TBC1D15: variants seen among roughly 807,000 people sequenced by gnomAD.
TBC1D15 encodes GAP for RAB7.
Under a neutral mutation model 95.4 loss-of-function variants are expected in TBC1D15, and 39 were observed. The observed-to-expected ratio is 0.41, with a 90% confidence interval of 0.32 to 0.53. TBC1D15 has a LOEUF of 0.53. Among genes scored for constraint, TBC1D15 ranks in the 20% least tolerant of loss-of-function variants. The pLI is 0.29. For synonymous variants in TBC1D15, 258 were observed against 261.3 expected, an observed-to-expected ratio of 0.99 and a Z score of 0.12; for missense variants, 733 against 794.3, an observed-to-expected ratio of 0.92 and a Z score of 0.93.
At chr12:71,882,704 A>C (rs1228572943) in intron 4 of TBC1D15, among the ~76,000 whole-genome samples, 3 of 149,244 alleles carry the variant, frequency 2.0e-5, no homozygotes, top group Non-Finnish European at 4.5e-5. Context: ...TTGTTAATTC[A>C]CTTATTCAAC....
At chr12:71,871,392 C>T (rs991655537) in intron 1 of TBC1D15, among the ~76,000 whole-genome samples, 5 of 151,954 alleles carry the variant, frequency 3.3e-5, no homozygotes, top group East Asian at 1.9e-4. Context: ...TATTATTTCC[C>T]GAATTTCTAT....
intron 3 of TBC1D15, among the ~76,000 whole-genome samples, chr12:71,878,374 C>CT (rs1421309770): frequency 1.3e-5 from 2 of 151,892 alleles, no homozygotes; most frequent in Non-Finnish European, 2.9e-5. Context: ...CAATTTGAGC[C>CT]TTTTTGTATG....
Position 71,923,210 on chromosome 12 carries a change from G to A in TBC1D15, c.*6G>A. On this transcript the variant is annotated 3_prime_UTR_variant, in exon 17 of 17. Coordinates refer to ENST00000485960, the MANE Select transcript of TBC1D15 (RefSeq NM_001146213.3). ...GCAGATTAACACCTGCATGATCACT[G>A]TTCTTGCTTTTTTGGGAAGAGACAC... The A allele has an allele frequency of 6.2e-7, 1 of 1,610,720 alleles. No homozygotes were observed. The highest frequency in any genetic ancestry group is 8.5e-7 in the Non-Finnish European group (1 of 1,177,568).
chr12:71,913,843 A>G lies in TBC1D15; in HGVS notation c.1318A>G (p.Ser440Gly), dbSNP rs370630241. 1.3e-6 allele frequency: 2 copies of G among 1,575,670 alleles called. No individual in the cohort carries two copies. Among genetic ancestry groups the G allele is most frequent in the Non-Finnish European group, 1.7e-6 (2 of 1,167,544 alleles). ...CTTTTTAGGATATGTTCAAGGAATG[A>G]GTGATTTACTTTCCCCTCTTTTATA... ...DFDLGYVQGM[S>G]DLLSPLLYVM... is the part of the protein sequence containing the mutation. The change falls in exon 12 of 17, where the codon AGT becomes GGT. Residue 440 changes from serine to glycine, a missense_variant. Physicochemically the swap from Ser to Gly is moderately conservative, Grantham distance 56 (BLOSUM62 0). Transcript: ENST00000485960.
At chr12:71,910,355 G>A (rs1901906518) in intron 11 of TBC1D15, among the ~76,000 whole-genome samples, 1 of 148,800 alleles carries the variant, frequency 6.7e-6, no homozygotes, top group South Asian at 2.1e-4. Flanking sequence ...GCTCTTTTTT[G>A]GTTCCATATG....
chr12:71,873,019 A>AT lies in TBC1D15; in HGVS notation c.204+17dup. On this transcript the variant is annotated intron_variant, in intron 3 of 16. Transcript: ENST00000485960. ...TGCTAGAAAGGTATTTAAGAAAAAA[A>AT]TGTGTTACTAAGGGAATGCCATTTA... 12 of 1,548,522 alleles carry AT rather than the reference A, an allele frequency of 7.7e-6. No homozygotes were observed. The highest frequency in any genetic ancestry group is 1.2e-5 in the South Asian group (1 of 86,418).
At chr12:71,859,404 C>A (rs1468782322) in intron 1 of TBC1D15, among the ~76,000 whole-genome samples, 2 of 152,008 alleles carry the variant, frequency 1.3e-5, no homozygotes, top group Non-Finnish European at 2.9e-5. Flanking sequence ...GTTGTATCTT[C>A]ATTTTGTTGC....
chr12:71,921,496 G>A, intron 16 of TBC1D15, 42 bp downstream of exon 16: 1 of 1,246,996 alleles, frequency 8.0e-7, no homozygotes, highest in East Asian at 2.6e-5. Flanking sequence ...GTTTGTTTTT[G>A]GTGGGTTGAG....
At chr12:71,875,951 C>A (rs1191931194) in intron 3 of TBC1D15, among the ~76,000 whole-genome samples, 1 of 152,014 alleles carries the variant, frequency 6.6e-6, no homozygotes, top group Non-Finnish European at 1.5e-5. Context: ...GCGCGCACGT[C>A]ACCACACCTG....
At chr12:71,842,786 G>A (rs1019066378) in intron 1 of TBC1D15, among the ~76,000 whole-genome samples, 8 of 149,176 alleles carry the variant, frequency 5.4e-5, no homozygotes, top group Non-Finnish European at 8.9e-5. Context: ...AGCTATGATG[G>A]TGCTACTGCA....
chr12:71,922,872 G>A, intron 16 of TBC1D15, 111 bp from the exon 17 acceptor site: 1 of 1,028,390 alleles, frequency 9.7e-7, no homozygotes. Context: ...TACACTGTTA[G>A]GACAAATGCT....
At chr12:71,906,599 A>G (rs1900765175) in intron 10 of TBC1D15, among the ~76,000 whole-genome samples, 1 of 151,890 alleles carries the variant, frequency 6.6e-6, no homozygotes, top group Non-Finnish European at 1.5e-5. Flanking sequence ...GAATGAAACA[A>G]ATCTCTTTGA....
chr12:71,906,767 A>G (rs1900819403), intron 10 of TBC1D15, among the ~76,000 whole-genome samples: 1 of 152,156 alleles, frequency 6.6e-6, no homozygotes. Flanking sequence ...ATGCAGTTAA[A>G]AGGTTTCTAT....
intron 1 of TBC1D15, among the ~76,000 whole-genome samples, chr12:71,848,673 G>A (rs564366379): frequency 6.6e-6 from 1 of 151,776 alleles, no homozygotes; most frequent in Non-Finnish European, 1.5e-5. Flanking sequence ...ATAAAAGGGG[G>A]GCCAAATCTA....
chr12:71,878,792 C>G (rs1894521177), intron 3 of TBC1D15, among the ~76,000 whole-genome samples: 1 of 150,470 alleles, frequency 6.6e-6, no homozygotes, highest in Admixed American at 6.6e-5. Context: ...GCTGGGATTA[C>G]AGGCATGAGC....
chr12:71,914,840 T>C (rs1230961345), intron 12 of TBC1D15, among the ~76,000 whole-genome samples: 1 of 152,028 alleles, frequency 6.6e-6, no homozygotes, highest in African/African-American at 2.4e-5. Context: ...CTTCTCCTTT[T>C]TTCTTTACTT....
intron 10 of TBC1D15, among the ~76,000 whole-genome samples, chr12:71,900,034 A>G (rs1035493835): frequency 2.0e-5 from 3 of 152,170 alleles, no homozygotes; most frequent in Non-Finnish European, 4.4e-5. Context: ...ACTTTCTGAT[A>G]TATGAAATAT....
intron 3 of TBC1D15, among the ~76,000 whole-genome samples, chr12:71,874,030 T>C (rs1893235782): frequency 6.6e-6 from 1 of 152,218 alleles, no homozygotes. Flanking sequence ...TATCTGTCTG[T>C]TAATCCCCTT....
intron 1 of TBC1D15, chr12:71,849,786 ACT>A (rs1164808319): frequency 1.8e-6 from 1 of 548,136 alleles, no homozygotes; most frequent in Non-Finnish European, 3.6e-6. Flanking sequence ...TCCAAAATTG[ACT>A]CTGAAAATTT....
Sources: gnomAD v4.1 joint callset for allele counts (sites outside exome capture counted in the v4.1 genomes callset) on GRCh38, gnomAD v4.1.1 for gene constraint, MANE v1.5 for transcripts, NCBI Gene and HGNC (gene_info 2026-07-23, HGNC 2026-07-21) for gene names.